RIMS1: variants seen among roughly 807,000 people sequenced by gnomAD.
The protein encoded by RIMS1 is regulating synaptic membrane exocytosis protein 1.
RIMS1 carries 83 observed loss-of-function variants against 214.1 expected under a neutral mutation model. That is an observed-to-expected ratio of 0.39 (90% CI 0.32 to 0.47). The LOEUF (loss-of-function observed/expected upper bound fraction) is 0.47. Among genes scored for constraint, RIMS1 ranks in the 20% least tolerant of loss-of-function variants. The probability of loss-of-function intolerance (pLI) is 0.99; values close to 1 mark genes in which losing one functional copy is unlikely to be tolerated. For synonymous variants in RIMS1, 793 were observed against 786.8 expected, an observed-to-expected ratio of 1.01 and a Z score of -0.13; for missense variants, 2,050 against 2,161.8, an observed-to-expected ratio of 0.95 and a Z score of 1.03.
At chr6:72,072,466 A>G (rs1374027433) in intron 2 of RIMS1, among the ~76,000 whole-genome samples, 1 of 152,170 alleles carries the variant, frequency 6.6e-6, no homozygotes, top group African/African-American at 2.4e-5. Flanking sequence ...AGGAGCTTTG[A>G]AGATTGGTTT....
intron 2 of RIMS1, among the ~76,000 whole-genome samples, chr6:71,990,567 T>C (rs78510077): frequency 0.069 from 10,489 of 152,152 alleles, 448 homozygotes; most frequent in Middle Eastern, 0.11. Flanking sequence ...GTGCCCTGCA[T>C]GACCTGGCCT....
At chr6:72,398,557 T>C (rs2098804780) in intron 32 of RIMS1, among the ~76,000 whole-genome samples, 1 of 152,204 alleles carries the variant, frequency 6.6e-6, no homozygotes, top group Non-Finnish European at 1.5e-5. Context: ...GGAAGTATGT[T>C]ATAATATTTT....
At chr6:72,214,076 T>TA (rs2154013863) in intron 6 of RIMS1, among the ~76,000 whole-genome samples, 1 of 152,306 alleles carries the variant, frequency 6.6e-6, no homozygotes, top group African/African-American at 2.4e-5. Context: ...GAATAACACT[T>TA]ACTACTATGC....
intron 2 of RIMS1, among the ~76,000 whole-genome samples, chr6:72,002,996 C>G (rs1190452335): frequency 1.3e-5 from 2 of 152,180 alleles, no homozygotes; most frequent in African/African-American, 4.8e-5. Context: ...GGTATGCTTT[C>G]TAGCCACTAA....
intron 29 of RIMS1, among the ~76,000 whole-genome samples, chr6:72,364,763 G>A (rs1280209922): frequency 6.6e-6 from 1 of 152,204 alleles, no homozygotes; most frequent in Non-Finnish European, 1.5e-5. Context: ...GATTTCTGCT[G>A]TAGGCAATTG....
chr6:72,009,599 G>A (rs1809486999), intron 2 of RIMS1, among the ~76,000 whole-genome samples: 1 of 152,000 alleles, frequency 6.6e-6, no homozygotes, highest in Admixed American at 6.6e-5. Context: ...AAGAAAAAAA[G>A]AGAGAAGAAT....
Position 72,182,663 on chromosome 6 carries a change from A to C in RIMS1, c.1192A>C (p.Thr398Pro). 2 of 1,467,594 alleles carry C rather than the reference A, an allele frequency of 1.4e-6. No homozygotes were observed. Among genetic ancestry groups the C allele is most frequent in the Admixed American group, 2.5e-5 (1 of 39,414 alleles). The allele number at this position is 1,467,594 out of a possible 1,614,324, so 90.9% of individuals were successfully genotyped here. ...RRHSDVALPR[T>P]EAGAALPEGK... ...CCACAGCGACGTGGCGCTCCCGCGC[A>C]CCGAGGCGGGCGCGGCGCTGCCGGA... is the stretch of plus-strand genomic sequence containing the variant. Residue 398 changes from threonine (T) to proline (P), a missense_variant, in exon 6 of 34, where the codon ACC becomes CCC. Thr to Pro is a conservative substitution (Grantham distance 38, BLOSUM62 -1). Coordinates refer to ENST00000521978, the MANE Select transcript of RIMS1 (RefSeq NM_014989.7).
intron 4 of RIMS1, among the ~76,000 whole-genome samples, chr6:72,166,245 GAGAGAC>G (rs761499023): frequency 0.011 from 1,686 of 150,664 alleles, 10 homozygotes; most frequent in Non-Finnish European, 0.017. Context: ...GTGAGAGAGA[GAGAGAC>G]AGAGACAGAG....
intron 26 of RIMS1, among the ~76,000 whole-genome samples, chr6:72,297,862 A>C (rs960984038): frequency 1.3e-5 from 2 of 152,004 alleles, no homozygotes; most frequent in African/African-American, 2.4e-5. Flanking sequence ...CGTAACCCAA[A>C]AGAAAGGAAA....
At chr6:72,096,409 A>G (rs536263640) in intron 2 of RIMS1, among the ~76,000 whole-genome samples, 4 of 152,372 alleles carry the variant, frequency 2.6e-5, no homozygotes, top group South Asian at 2.1e-4. Flanking sequence ...GCCCAGCAAC[A>G]TAGTCTAAAA....
At chr6:72,283,054 A>G (rs1233566852) in intron 23 of RIMS1, among the ~76,000 whole-genome samples, 2 of 152,024 alleles carry the variant, frequency 1.3e-5, no homozygotes, top group Admixed American at 1.3e-4. Flanking sequence ...GGTATATACT[A>G]GATACTTAAT....
At chr6:72,184,847 A>C (rs1249518930) in intron 6 of RIMS1, among the ~76,000 whole-genome samples, 1 of 152,080 alleles carries the variant, frequency 6.6e-6, no homozygotes, top group Non-Finnish European at 1.5e-5. Context: ...GGGTTAGGCT[A>C]GCTCTACTGT....
chr6:72,216,859 G>T, intron 6 of RIMS1: 3 of 1,026,812 alleles, frequency 2.9e-6, no homozygotes, highest in Non-Finnish European at 3.5e-6. Flanking sequence ...GGAGCTAAAA[G>T]AGCTTTAGTG....
chr6:72,060,110 GATT>G (rs534525714), intron 2 of RIMS1, among the ~76,000 whole-genome samples: 5 of 150,636 alleles, frequency 3.3e-5, no homozygotes, highest in South Asian at 2.1e-4. Context: ...AGCTAATTTT[GATT>G]ATTATTATTA....
At chr6:72,297,213 G>T (rs2094182554) in intron 26 of RIMS1, among the ~76,000 whole-genome samples, 3 of 151,840 alleles carry the variant, frequency 2.0e-5, no homozygotes, top group Admixed American at 2.0e-4. Flanking sequence ...ATTTTGCATA[G>T]ATTTCTAGCC....
intron 2 of RIMS1, among the ~76,000 whole-genome samples, chr6:72,017,986 TGGAGGC>T (rs1813321393): frequency 6.6e-6 from 1 of 152,178 alleles, no homozygotes; most frequent in South Asian, 2.1e-4. Context: ...TATTAGCCAA[TGGAGGC>T]ACTTTGGATT....
chr6:72,049,469 A>G (rs1050652235), intron 2 of RIMS1, among the ~76,000 whole-genome samples: 1 of 152,210 alleles, frequency 6.6e-6, no homozygotes, highest in Non-Finnish European at 1.5e-5. Flanking sequence ...AAGATAGTGA[A>G]CATTCTAATA....
chr6:72,063,610 T>C (rs1418384778), intron 2 of RIMS1, among the ~76,000 whole-genome samples: 1 of 152,106 alleles, frequency 6.6e-6, no homozygotes, highest in Non-Finnish European at 1.5e-5. Context: ...AAGCAATCCG[T>C]GTGGAATAGA....
chr6:72,217,137 T>C (rs2056453890), intron 6 of RIMS1: 18 of 1,531,468 alleles, frequency 1.2e-5, no homozygotes, highest in Non-Finnish European at 1.6e-5. Context: ...CTAGCTGAAA[T>C]TTAATGATTT....
Sources: gnomAD v4.1 joint callset for allele counts (sites outside exome capture counted in the v4.1 genomes callset) on GRCh38, gnomAD v4.1.1 for gene constraint, MANE v1.5 for transcripts, NCBI Gene and HGNC (gene_info 2026-07-23, HGNC 2026-07-21) for gene names.